Variants in TPD52 observed in about 807,000 individuals in gnomAD.
TPD52 encodes tumor protein D52.
Under a neutral mutation model 31.3 loss-of-function variants are expected in TPD52, and 17 were observed. That is an observed-to-expected ratio of 0.54 (90% CI 0.37 to 0.82). The LOEUF (loss-of-function observed/expected upper bound fraction) is 0.82. TPD52 is among the 40% of genes least tolerant of loss of function. The pLI is 0.00. For synonymous variants in TPD52, 83 were observed against 89.6 expected (o/e 0.93, Z 0.42); for missense variants, 212 against 240.1 (o/e 0.88, Z 0.77).
intron 2 of TPD52, among the ~76,000 whole-genome samples, chr8:80,060,138 A>C (rs1384310729): frequency 1.3e-5 from 2 of 150,806 alleles, no homozygotes; most frequent in Non-Finnish European, 3.0e-5. Flanking sequence ...CTATAGCTAG[A>C]CTGACCGAAA....
At chr8:80,078,469 C>T (rs1814845621) in intron 1 of TPD52, among the ~76,000 whole-genome samples, 1 of 152,224 alleles carries the variant, frequency 6.6e-6, no homozygotes, top group Non-Finnish European at 1.5e-5. Flanking sequence ...ACGGAGGACA[C>T]ATTATTCATT....
chr8:80,143,203 T>C (rs1809958986), intron 1 of TPD52, among the ~76,000 whole-genome samples: 2 of 110,782 alleles, frequency 1.8e-5, no homozygotes, highest in Admixed American at 1.9e-4. Flanking sequence ...GGAGTTTGTA[T>C]ATACCACCAA....
At chr8:80,032,195 A>G (rs1371596034), downstream of TPD52, among the ~76,000 whole-genome samples, 2 of 151,546 alleles carry the variant, frequency 1.3e-5, no homozygotes, top group Admixed American at 6.6e-5. Flanking sequence ...TTTGTATCAA[A>G]TGACTTCAAA....
intron 1 of TPD52, among the ~76,000 whole-genome samples, chr8:80,100,940 T>C (rs1471221557): frequency 6.6e-6 from 1 of 152,172 alleles, no homozygotes; most frequent in Non-Finnish European, 1.5e-5. Context: ...CCCAAAATAT[T>C]TGACCAAATG....
At chr8:80,051,365 C>G (rs571687297) in intron 4 of TPD52, 162 bp downstream of exon 4, 1 of 624,628 alleles carries the variant, frequency 1.6e-6, no homozygotes, top group African/African-American at 1.9e-5. Context: ...GCCTAGAAGA[C>G]CTTAGATGAG....
chr8:80,101,150 C>T (rs1806701609), intron 1 of TPD52, among the ~76,000 whole-genome samples: 2 of 152,170 alleles, frequency 1.3e-5, no homozygotes, highest in South Asian at 2.1e-4. Flanking sequence ...AACAGATAAA[C>T]ATAATAAAGA....
intron 1 of TPD52, among the ~76,000 whole-genome samples, chr8:80,121,257 G>A (rs1236610543): frequency 6.6e-6 from 1 of 151,922 alleles, no homozygotes; most frequent in African/African-American, 2.4e-5. Flanking sequence ...AACACTAAGG[G>A]TTATTTAAGG....
intron 1 of TPD52, among the ~76,000 whole-genome samples, chr8:80,088,858 G>C (rs1432977481): frequency 6.6e-6 from 1 of 152,170 alleles, no homozygotes; most frequent in African/African-American, 2.4e-5. Context: ...GGAGGACATA[G>C]CTAATTTTTT....
At chr8:80,153,273 A>C (rs1379820263) in intron 1 of TPD52, among the ~76,000 whole-genome samples, 1 of 152,208 alleles carries the variant, frequency 6.6e-6, no homozygotes, top group Admixed American at 6.5e-5. Context: ...AGTTAATGGC[A>C]CCACAGGTGC....
At chr8:80,070,178 GCCTCTCTCTGCTTGGGTGCAGCC>G (rs1813616860) in intron 1 of TPD52, among the ~76,000 whole-genome samples, 1 of 151,978 alleles carries the variant, frequency 6.6e-6, no homozygotes. Flanking sequence ...TTTGAGGAGC[GCCTCTCTCTGCTTGGGTGCAGCC>G]CCAACCCCCC....
chr8:80,163,721 CCTGT>C (rs1420184776), intron 1 of TPD52, among the ~76,000 whole-genome samples: 1 of 152,064 alleles, frequency 6.6e-6, no homozygotes, highest in African/African-American at 2.4e-5. Context: ...CCTCCTTTGA[CCTGT>C]CTATGGAAAT....
At chr8:80,101,963 G>A (rs1806775377) in intron 1 of TPD52, among the ~76,000 whole-genome samples, 1 of 152,170 alleles carries the variant, frequency 6.6e-6, no homozygotes, top group African/African-American at 2.4e-5. Flanking sequence ...GAGGAGGAAG[G>A]CAGACAGAGA....
chr8:80,132,382 T>C (rs983278109), intron 1 of TPD52, among the ~76,000 whole-genome samples: 1 of 152,196 alleles, frequency 6.6e-6, no homozygotes, highest in South Asian at 2.1e-4. Context: ...ATTTTTTTAA[T>C]TTTTTGGTAG....
At chr8:80,164,048 G>C (rs1381022533) in intron 1 of TPD52, among the ~76,000 whole-genome samples, 7 of 136,990 alleles carry the variant, frequency 5.1e-5, no homozygotes, top group South Asian at 2.5e-4. Flanking sequence ...GAGAGAGAGA[G>C]AGAGAGACAG....
intron 1 of TPD52, among the ~76,000 whole-genome samples, chr8:80,147,850 A>ACACACCCCC: frequency 6.6e-6 from 1 of 151,866 alleles, no homozygotes; most frequent in East Asian, 1.9e-4. Context: ...ACACACACAC[A>ACACACCCCC]CACACCCCCC....
chr8:80,066,655 T>G (rs1174542046), intron 1 of TPD52, among the ~76,000 whole-genome samples: 1 of 152,216 alleles, frequency 6.6e-6, no homozygotes. Context: ...TAGCCCTTAC[T>G]GGACCCGTCT....
intron 1 of TPD52, among the ~76,000 whole-genome samples, chr8:80,131,158 C>A (rs774619540): frequency 6.6e-6 from 1 of 151,864 alleles, no homozygotes; most frequent in South Asian, 2.1e-4. Context: ...GAGAGGAGAG[C>A]CAAGAAGAAA....
intron 2 of TPD52, among the ~76,000 whole-genome samples, chr8:80,063,043 T>C (rs1812713467): frequency 6.6e-6 from 1 of 152,184 alleles, no homozygotes; most frequent in Non-Finnish European, 1.5e-5. Context: ...ATTCCATATC[T>C]AGGCATATAT....
At chr8:80,128,587 C>T (rs1017400188) in intron 1 of TPD52, among the ~76,000 whole-genome samples, 1 of 151,338 alleles carries the variant, frequency 6.6e-6, no homozygotes, top group Admixed American at 6.6e-5. Flanking sequence ...CTTGAGCCCA[C>T]GAGGTCAGGG....
Sources: allele counts gnomAD v4.1 joint callset (sites outside exome capture counted in the v4.1 genomes callset), GRCh38; gene constraint gnomAD v4.1.1; transcripts MANE v1.5; gene names NCBI Gene and HGNC (gene_info 2026-07-23, HGNC 2026-07-21).